The following CEP128 variants were observed in gnomAD, a reference collection of about 807,000 sequenced individuals.
CEP128 encodes centrosomal protein 128kDa.
In CEP128, 132 loss-of-function variants were observed where a neutral mutation model predicts 156.7. That is an observed-to-expected ratio of 0.84 (90% CI 0.73 to 0.97). The LOEUF (loss-of-function observed/expected upper bound fraction) is 0.97. CEP128 is among the 50% of genes least tolerant of loss of function. CEP128 has a pLI of 0.00. For synonymous variants in CEP128, 469 were observed against 448.9 expected, an observed-to-expected ratio of 1.04 and a Z score of -0.57; for missense variants, 1,252 against 1,281.9, an observed-to-expected ratio of 0.98 and a Z score of 0.36.
chr14:80,895,427 T>TTA (rs1461063646), intron 8 of CEP128, among the ~76,000 whole-genome samples: 1 of 152,176 alleles, frequency 6.6e-6, no homozygotes, highest in Admixed American at 6.6e-5. Context: ...ATCTTTCAAA[T>TTA]AGTCATCATA....
intron 21 of CEP128, among the ~76,000 whole-genome samples, chr14:80,533,296 T>G (rs10149108): frequency 0.85 from 128,651 of 152,016 alleles, 54,533 homozygotes; most frequent in Non-Finnish European, 0.89. Flanking sequence ...ATAAACACAC[T>G]CCAATAATAT....
chr14:80,602,126 A>C (rs1892604907), intron 19 of CEP128, among the ~76,000 whole-genome samples: 1 of 152,206 alleles, frequency 6.6e-6, no homozygotes, highest in South Asian at 2.1e-4. Flanking sequence ...AAAAGGGTCA[A>C]TCAATCAAGA....
chr14:80,780,515 C>T (rs1299677041), intron 15 of CEP128, among the ~76,000 whole-genome samples: 1 of 151,970 alleles, frequency 6.6e-6, no homozygotes, highest in African/African-American at 2.4e-5. Context: ...AACACCCCTC[C>T]CAGATCTCAA....
intron 9 of CEP128, among the ~76,000 whole-genome samples, chr14:80,853,364 T>C (rs1277542561): frequency 6.6e-6 from 1 of 151,746 alleles, no homozygotes; most frequent in Admixed American, 6.6e-5. Context: ...TCAAATGATA[T>C]GATTATCTAT....
chr14:80,666,653 A>G (rs1895625603), intron 19 of CEP128, among the ~76,000 whole-genome samples: 1 of 151,322 alleles, frequency 6.6e-6, no homozygotes, highest in Admixed American at 6.6e-5. Flanking sequence ...TCTTTGTAAG[A>G]TGTTAGGGAT....
intron 23 of CEP128, among the ~76,000 whole-genome samples, chr14:80,518,714 T>C (rs780307016): frequency 2.4e-4 from 36 of 152,222 alleles, no homozygotes; most frequent in Admixed American, 1.2e-3. Flanking sequence ...TATTCATGAT[T>C]CAACCACTCA....
chr14:80,850,346 T>C (rs1294842953), intron 9 of CEP128, among the ~76,000 whole-genome samples: 2 of 152,206 alleles, frequency 1.3e-5, no homozygotes, highest in African/African-American at 4.8e-5. Flanking sequence ...TAATTGTTTT[T>C]CAATAAATTT....
intron 13 of CEP128, among the ~76,000 whole-genome samples, chr14:80,828,316 T>G (rs1234605040): frequency 6.6e-6 from 1 of 151,954 alleles, no homozygotes; most frequent in East Asian, 1.9e-4. Context: ...AGAGATGTGG[T>G]TTCACCATGT....
At chr14:80,884,441 T>C (rs914057573) in intron 8 of CEP128, among the ~76,000 whole-genome samples, 3 of 152,162 alleles carry the variant, frequency 2.0e-5, no homozygotes, top group Admixed American at 2.0e-4. Context: ...GAGTTCTTCA[T>C]TTCCAACTGA....
chr14:80,864,324 T>C lies in CEP128; in HGVS notation c.646-1451A>G, dbSNP rs147421046. ...CTGCCTTCAAATAGCTTGCTATCTATTGAAGACTGACAATGAATGAGTAGT... is the reference window on the plus strand; with the variant it reads ...CTGCCTTCAAATAGCTTGCTATCTACTGAAGACTGACAATGAATGAGTAGT... On this transcript the variant is annotated intron_variant, in intron 8 of 24. Transcript: ENST00000555265. Among the ~76,000 whole-genome samples the C allele has an allele frequency of 2.9e-3, 441 of 152,272 alleles. 1 individual carries two copies. The highest frequency in any genetic ancestry group is 4.5e-3 in the Non-Finnish European group (303 of 68,022).
intron 21 of CEP128, among the ~76,000 whole-genome samples, chr14:80,551,260 T>C (rs554776507): frequency 1.3e-5 from 2 of 152,354 alleles, no homozygotes; most frequent in South Asian, 2.1e-4. Context: ...AAAAAGGCTT[T>C]ATTTGTCAAG....
At chr14:80,929,758 T>C (rs1885350177) in intron 2 of CEP128, among the ~76,000 whole-genome samples, 1 of 152,054 alleles carries the variant, frequency 6.6e-6, no homozygotes, top group Non-Finnish European at 1.5e-5. Context: ...AAACTACCTA[T>C]TGGGTACAAT....
At chr14:80,796,693 C>T (rs1439237933) in intron 13 of CEP128, among the ~76,000 whole-genome samples, 2 of 152,158 alleles carry the variant, frequency 1.3e-5, no homozygotes, top group African/African-American at 2.4e-5. Context: ...ATCCCACCTA[C>T]ACAATACCCT....
intron 24 of CEP128, among the ~76,000 whole-genome samples, chr14:80,498,218 C>T (rs956852327): frequency 2.6e-5 from 4 of 152,184 alleles, no homozygotes; most frequent in African/African-American, 9.7e-5. Context: ...AGAGCGAGCT[C>T]TAATGACTCT....
chr14:80,817,961 G>A (rs1037461870), intron 13 of CEP128, among the ~76,000 whole-genome samples: 6 of 151,912 alleles, frequency 3.9e-5, no homozygotes, highest in South Asian at 2.1e-4. Flanking sequence ...GAAGATTATC[G>A]ATAGATATGA....
intron 19 of CEP128, among the ~76,000 whole-genome samples, chr14:80,645,653 A>T (rs2140816845): frequency 6.6e-6 from 1 of 152,288 alleles, no homozygotes; most frequent in South Asian, 2.1e-4. Context: ...TTTGAAAGAT[A>T]GTTTGTCAGT....
intron 19 of CEP128, among the ~76,000 whole-genome samples, chr14:80,580,798 T>C (rs1891558566): frequency 6.6e-6 from 1 of 152,160 alleles, no homozygotes; most frequent in African/African-American, 2.4e-5. Flanking sequence ...GCCTTTTTCT[T>C]TTGAAAGAAA....
At chr14:80,537,657 T>A (rs1889546276) in intron 21 of CEP128, among the ~76,000 whole-genome samples, 1 of 152,180 alleles carries the variant, frequency 6.6e-6, no homozygotes, top group African/African-American at 2.4e-5. Context: ...GAAAGAAATT[T>A]CAGAGCGTTT....
intron 8 of CEP128, among the ~76,000 whole-genome samples, chr14:80,863,833 A>C (rs1015371334): frequency 6.6e-6 from 1 of 152,218 alleles, no homozygotes; most frequent in South Asian, 2.1e-4. Flanking sequence ...TGGAAAAAAA[A>C]AGTTATTGAA....
Sources: gnomAD v4.1 joint callset for allele counts (sites outside exome capture counted in the v4.1 genomes callset) on GRCh38, gnomAD v4.1.1 for gene constraint, MANE v1.5 for transcripts, NCBI Gene and HGNC (gene_info 2026-07-23, HGNC 2026-07-21) for gene names.